Variants in STARD9 observed in about 807,000 individuals in gnomAD.
The protein encoded by STARD9 is stAR-related lipid transfer protein 9.
STARD9 carries 346 observed loss-of-function variants against 399.8 expected under a neutral mutation model. The observed-to-expected ratio is 0.87, with a 90% CI of 0.79 to 0.95. STARD9 has a LOEUF of 0.95. Ranked by LOEUF, STARD9 falls within the 40% of genes least tolerant of loss-of-function variation. STARD9 has a pLI of 0.00. For synonymous variants in STARD9, 2,203 were observed against 2,143.5 expected, an observed-to-expected ratio of 1.03 and a Z score of -0.77; for missense variants, 5,832 against 5,667.5, an observed-to-expected ratio of 1.03 and a Z score of -0.93.
intron 3 of STARD9, chr15:42,629,710 C>CA (rs1227584719): frequency 6.6e-6 from 1 of 152,110 alleles, no homozygotes; most frequent in African/African-American, 2.4e-5. Flanking sequence ...GAAAGGCTTT[C>CA]AGTTTTTTCC....
At chr15:42,593,550 C>T (rs905617490) in intron 3 of STARD9, among the ~76,000 whole-genome samples, 1 of 149,318 alleles carries the variant, frequency 6.7e-6, no homozygotes, top group Admixed American at 6.7e-5. Flanking sequence ...CATTTCCAGA[C>T]CAAAAAAAAA....
At chr15:42,597,436 C>A (rs1595602959) in intron 3 of STARD9, among the ~76,000 whole-genome samples, 1 of 152,104 alleles carries the variant, frequency 6.6e-6, no homozygotes, top group East Asian at 1.9e-4. Flanking sequence ...GGTGCGGTCT[C>A]AGCTCACTGC....
At position 42,690,998 on chromosome 15, in the gene STARD9, A is replaced by G; in HGVS notation, c.9420A>G (p.Gly3140=). 1.3e-6 allele frequency: 2 copies of G among 1,537,224 alleles called. No individual in the cohort carries two copies. The highest frequency in any genetic ancestry group is 8.7e-7 in the Non-Finnish European group (1 of 1,146,904). The stretch of plus-strand genomic sequence containing the variant: ...CAGAACCACCTGCAACAACTCAGGG[A>G]CCACACACCCTGGATTTAAGTGAAG... The part of the protein sequence containing the change: ...TNPEPPATTQ[G]PHTLDLSEGS... Residue 3140 remains glycine (G), a synonymous_variant, in exon 23 of 33, where the codon GGA becomes GGG. Transcript: ENST00000290607.
chr15:42,592,282 A>G (rs1398987115), intron 3 of STARD9, among the ~76,000 whole-genome samples: 1 of 152,184 alleles, frequency 6.6e-6, no homozygotes, highest in Non-Finnish European at 1.5e-5. Flanking sequence ...CTGCAGTACA[A>G]AAGGAAAATG....
At position 42,717,674 on chromosome 15, in the gene STARD9, C is replaced by T; in HGVS notation, c.13495-57C>T. Reference sequence around the variant, plus strand: ...GCAGATGCAGGCCAGACTGACTAACCCAGGGGCTTAGTTTTTACTGTGCCT... The same window carrying T: ...GCAGATGCAGGCCAGACTGACTAACTCAGGGGCTTAGTTTTTACTGTGCCT... On this transcript the variant is annotated intron_variant, in intron 28 of 32. Transcript: ENST00000290607. 5 of 1,466,542 alleles carry T rather than the reference C, an allele frequency of 3.4e-6. No homozygotes were observed. In the South Asian group the frequency reaches 4.8e-5, roughly 14 times the overall value. 90.8% of individuals were successfully genotyped at this position (1,466,542 alleles called of 1,614,324 possible).
intron 3 of STARD9, among the ~76,000 whole-genome samples, chr15:42,626,636 G>A (rs1265960587): frequency 3.3e-5 from 5 of 151,540 alleles, no homozygotes; most frequent in Non-Finnish European, 7.4e-5. Flanking sequence ...GAGTAGCTGG[G>A]ATTACAGGCA....
chr15:42,575,616 GGGGC>G lies in STARD9; in HGVS notation c.-92_-89del. On this transcript the variant is annotated 5_prime_UTR_variant, in exon 1 of 33. Transcript: ENST00000290607. The stretch of plus-strand genomic sequence containing the variant: ...CGCGGCGGCGTCCCCAGAGGCGCGT[GGGGC>G]GGGCGGGGCTGGGTTGGGGCTGTGT... The G allele has an allele frequency of 7.5e-7, 1 of 1,330,634 alleles. No individual in the cohort carries two copies. Among genetic ancestry groups the G allele is most frequent in the African/African-American group, 1.5e-5 (1 of 66,720 alleles). The allele number at this position is 1,330,634 out of a possible 1,614,324, so 82.4% of individuals were successfully genotyped here. A position where few individuals can be genotyped will look rare whatever the true frequency, so the allele number is the denominator to read the frequency against.
chr15:42,698,470 A>T (rs571290267), intron 26 of STARD9, among the ~76,000 whole-genome samples: 1 of 152,212 alleles, frequency 6.6e-6, no homozygotes, highest in East Asian at 1.9e-4. Context: ...TTTGTTTTTC[A>T]TGAGCCATCT....
intron 3 of STARD9, among the ~76,000 whole-genome samples, chr15:42,595,211 A>G (rs1442890048): frequency 1.3e-5 from 2 of 152,114 alleles, no homozygotes; most frequent in Non-Finnish European, 2.9e-5. Flanking sequence ...GTGAGGAGGA[A>G]TTTGAGAGCT....
At position 42,683,458 on chromosome 15, in the gene STARD9, TA is replaced by T. The variant is rs940263917; in HGVS notation, c.2538-649del. Among the ~76,000 whole-genome samples the T allele has an allele frequency of 2.6e-3, 399 of 151,398 alleles. 1 individual carries two copies. Among genetic ancestry groups the T allele is most frequent in the African/African-American group, 9.3e-3 (384 of 41,340 alleles). On this transcript the variant is annotated intron_variant, in intron 22 of 32. Coordinates refer to ENST00000290607, the MANE Select transcript of STARD9 (RefSeq NM_020759.3). ...TTCTACATTTCTAAGTATATACTTC[TA>T]AAAAAAAATGGACTTTTCTTGTAAC...
chr15:42,593,733 G>A lies in STARD9; in HGVS notation c.234+8096G>A, dbSNP rs192747994. On this transcript the variant is annotated intron_variant, in intron 3 of 32. Coordinates refer to ENST00000290607, the MANE Select transcript of STARD9 (RefSeq NM_020759.3). ...GGCTGGAGTGCAGTGGTACAATCTC[G>A]GCTCACTGCAAGCTCTGCCTCCCAG... Among the ~76,000 whole-genome samples the A allele has an allele frequency of 1.1e-4, 14 of 127,518 alleles. No homozygotes were observed. The East Asian group carries it at 3.6e-3, about 33-fold the overall frequency. The allele number at this position is 127,518 out of a possible 152,430, so 83.7% of individuals were successfully genotyped here.
At position 42,682,500 on chromosome 15, in the gene STARD9, G is replaced by A. The variant is rs1356975840; in HGVS notation, c.2462G>A (p.Cys821Tyr). ...SPDATVPRPP[C>Y]RSKLTSCSSL... is the part of the protein sequence containing the mutation. The stretch of plus-strand genomic sequence containing the variant: ...GATGCCACAGTCCCACGGCCTCCAT[G>A]TAGAAGCAAATTGACGAGTTGCAGT... Residue 821 changes from cysteine to tyrosine, a missense_variant, in exon 22 of 33, where the codon TGT becomes TAT. By Grantham distance (194) the Cys-to-Tyr change is radical. This residue lies in a region of STARD9 where 5,828 missense variants were observed against 5,651.1 expected (regional missense o/e 1.03). Coordinates refer to ENST00000290607, the MANE Select transcript of STARD9 (RefSeq NM_020759.3). 2.0e-6 allele frequency: 3 copies of A among 1,537,188 alleles called. No homozygotes were observed. The highest frequency in any genetic ancestry group is 2.4e-5 in the South Asian group (2 of 84,060).
In STARD9 at chr15:42,612,971, G is replaced by A. The variant is rs188761184; in HGVS notation, c.235-21885G>A. 5.9e-5 allele frequency among the ~76,000 whole-genome samples: 8 copies of A among 134,848 alleles called. No homozygotes were observed. In the East Asian group the frequency reaches 8.7e-4, roughly 15 times the overall value. 88.5% of individuals were successfully genotyped at this position (134,848 alleles called of 152,430 possible). On this transcript the variant is annotated intron_variant, in intron 3 of 32. Transcript: ENST00000290607. ...TGCATTCCAGCCTGGGCAACAGAGC[G>A]AGACTATGTCTCAGAGGGGAAAAAA...
chr15:42,630,018 T>G (rs1327266420), intron 3 of STARD9: 4 of 148,638 alleles, frequency 2.7e-5, no homozygotes, highest in African/African-American at 7.5e-5. Context: ...TTTTTTTTTT[T>G]TGTGAGACTG....
Position 42,690,635 on chromosome 15 carries a change from G to T in STARD9, c.9057G>T (p.Val3019=), listed in dbSNP as rs1037101655. Residue 3019 remains valine, a synonymous_variant, in exon 23 of 33, where the codon GTG becomes GTT. Transcript: ENST00000290607. ...GAGAGATCTCTAGGGGACCTGATGT[G>T]CACTTGACACATGGCCTTGAGCCCA... ...ETGEISRGPD[V]HLTHGLEPKD... is the part of the protein sequence containing the mutation. 2 of 1,537,142 alleles carry T rather than the reference G, an allele frequency of 1.3e-6. No homozygotes were observed. The highest frequency in any genetic ancestry group is 2.7e-5 in the African/African-American group (2 of 73,056).
Position 42,689,023 on chromosome 15 carries a change from T to A in STARD9, c.7445T>A (p.Val2482Asp). ...KEIRVSSLNK[V>D]SSQPEKRVSF... ...ATAAGAGTCAGTTCACTGAACAAGG[T>A]CTCTAGCCAGCCTGAAAAGAGGGTC... The change falls in exon 23 of 33, where the codon GTC (valine) becomes GAC (aspartate). Residue 2482 changes from valine (V) to aspartate (D), a missense_variant. Coordinates refer to ENST00000290607, the MANE Select transcript of STARD9 (RefSeq NM_020759.3). 6.5e-7 allele frequency: 1 copy of A among 1,537,162 alleles called. No homozygotes were observed. The highest frequency in any genetic ancestry group is 8.7e-7 in the Non-Finnish European group (1 of 1,146,906).
rs1566924798 is a variant in STARD9, at chr15:42,674,927, T to C, written c.1650T>C (p.Asn550=). Residue 550 remains asparagine (N), a synonymous_variant, in exon 18 of 33, where the codon AAT becomes AAC. Coordinates refer to ENST00000290607, the MANE Select transcript of STARD9 (RefSeq NM_020759.3). ...RPARGARCTV[N]GREVTASCRL... ...CCCGTGGGGCCCGCTGTACAGTCAA[T>C]GGCCGGGAGGTCACTGCCTCCTGCC... The C allele has an allele frequency of 6.5e-7, 1 of 1,536,724 alleles. No individual in the cohort carries two copies. The highest frequency in any genetic ancestry group is 8.7e-7 in the Non-Finnish European group (1 of 1,146,726).
At chr15:42,700,768 G>T (rs1413772254) in intron 26 of STARD9, among the ~76,000 whole-genome samples, 3 of 152,116 alleles carry the variant, frequency 2.0e-5, no homozygotes, top group Admixed American at 2.0e-4. Context: ...AATCTTTTTA[G>T]TTCGATGTAA....
chr15:42,672,730 T>C (rs1180733444), intron 16 of STARD9: 1 of 152,272 alleles, frequency 6.6e-6, no homozygotes, highest in African/African-American at 2.4e-5. Context: ...CAAGCTATTT[T>C]GGAGGAGTGT....
Sources: allele counts gnomAD v4.1 joint callset (sites outside exome capture counted in the v4.1 genomes callset), GRCh38; gene constraint gnomAD v4.1.1; regional missense constraint gnomAD v4.1.1; transcripts MANE v1.5; gene names NCBI Gene and HGNC (gene_info 2026-07-23, HGNC 2026-07-21).